Variants in TMTC1 observed in about 807,000 individuals in gnomAD.
TMTC1 encodes protein O-mannosyl-transferase TMTC1.
A neutral mutation model predicts 104.8 loss-of-function variants in TMTC1; 73 were observed. The ratio of observed to expected loss-of-function variants is 0.70; its 90% CI spans 0.58 to 0.85. TMTC1 has a LOEUF of 0.85. Among genes scored for constraint, TMTC1 ranks in the 40% least tolerant of loss-of-function variants. The probability of loss-of-function intolerance (pLI) is 0.00; values close to 1 mark genes in which losing one functional copy is unlikely to be tolerated. For missense variants in TMTC1, 1,035 were observed against 1,096.1 expected, an observed-to-expected ratio of 0.94 and a Z score of 0.79; for synonymous variants, 434 against 428.7, an observed-to-expected ratio of 1.01 and a Z score of -0.15.
At chr12:29,528,421 T>G (rs540209228) in intron 11 of TMTC1, among the ~76,000 whole-genome samples, 176 of 152,296 alleles carry the variant, frequency 1.2e-3, no homozygotes, top group African/African-American at 4.0e-3. Context: ...ATGGGCAGCA[T>G]GCAGCCATGG....
In TMTC1 at chr12:29,629,315, G is replaced by A. The variant is rs542514697; in HGVS notation, c.1128+3832C>T. 3.3e-3 allele frequency among the ~76,000 whole-genome samples: 492 copies of A among 151,066 alleles called. 4 individuals carry two copies. Among genetic ancestry groups the A allele is most frequent in the African/African-American group, 0.011 (442 of 41,160 alleles). Reference sequence around the variant, plus strand: ...AGCCTGGGCAACAGAGAGAGACTCCGTCTCAAAAAAAGAAAAAAAAAAAGC... The same window carrying A: ...AGCCTGGGCAACAGAGAGAGACTCCATCTCAAAAAAAGAAAAAAAAAAAGC... On this transcript the variant is annotated intron_variant, in intron 6 of 17. Coordinates refer to ENST00000539277, the MANE Select transcript of TMTC1 (RefSeq NM_001193451.2).
intron 5 of TMTC1, among the ~76,000 whole-genome samples, chr12:29,647,539 G>C (rs1234040037): frequency 6.6e-6 from 1 of 152,206 alleles, no homozygotes; most frequent in East Asian, 1.9e-4. Flanking sequence ...CTGTAACAAT[G>C]AAGATCTAAG....
Position 29,518,542 on chromosome 12 carries a change from C to T in TMTC1, c.1954G>A (p.Ala652Thr). Reference protein sequence around the residue: ...AIKLSPSHHVAMVNLGRLYRS... With the variant: ...AIKLSPSHHVTMVNLGRLYRS... The stretch of plus-strand genomic sequence containing the variant: ...TAGAGTCTTCCCAAGTTCACCATGG[C>T]CACGTGATGACTGGGGCTAAGTTTG... Residue 652 changes from alanine (A) to threonine (T), a missense_variant, in exon 13 of 18, where the codon GCC (alanine) becomes ACC (threonine). Physicochemically the swap from Ala to Thr is moderately conservative, Grantham distance 58. Transcript: ENST00000539277. 6.2e-7 allele frequency: 1 copy of T among 1,614,104 alleles called. No homozygotes were observed. Among genetic ancestry groups the T allele is most frequent in the Non-Finnish European group, 8.5e-7 (1 of 1,179,966 alleles).
At chr12:29,622,290 A>T (rs1326421955) in intron 6 of TMTC1, among the ~76,000 whole-genome samples, 2 of 152,228 alleles carry the variant, frequency 1.3e-5, no homozygotes, top group Non-Finnish European at 2.9e-5. Flanking sequence ...ATAAAGAACC[A>T]ATACCAAATA....
At chr12:29,509,303 T>A (rs192095835) in intron 17 of TMTC1, among the ~76,000 whole-genome samples, 1 of 152,384 alleles carries the variant, frequency 6.6e-6, no homozygotes, top group African/African-American at 2.4e-5. Flanking sequence ...CTTCATCTTA[T>A]ATGTAAAACT....
chr12:29,506,759 T>TCACATTA lies in TMTC1; in HGVS notation c.*86_*87insTAATGTG, dbSNP rs1943702175. Reference sequence around the variant, plus strand: ...GAATGAGAGAAAATCTCATTAGTTGTGCCCCTGCTGATGTGAAAGCAAGGC... The same window carrying TCACATTA: ...GAATGAGAGAAAATCTCATTAGTTGTCACATTAGCCCCTGCTGATGTGAAAGCAAGGC... On this transcript the variant is annotated 3_prime_UTR_variant, in exon 18 of 18. Transcript: ENST00000539277. 6.6e-7 allele frequency: 1 copy of TCACATTA among 1,511,758 alleles called. No homozygotes were observed. The allele number at this position is 1,511,758 out of a possible 1,614,324, so 93.6% of individuals were successfully genotyped here. A position where few individuals can be genotyped will look rare whatever the true frequency, so the allele number is the denominator to read the frequency against.
At chr12:29,747,545 A>G (rs1942985078) in intron 5 of TMTC1, among the ~76,000 whole-genome samples, 1 of 152,152 alleles carries the variant, frequency 6.6e-6, no homozygotes, top group African/African-American at 2.4e-5. Flanking sequence ...ATTCTTGTCA[A>G]CCTCACACCA....
chr12:29,649,135 C>A (rs1939404642), intron 5 of TMTC1, among the ~76,000 whole-genome samples: 1 of 152,150 alleles, frequency 6.6e-6, no homozygotes, highest in Admixed American at 6.5e-5. Context: ...CTCAAAATTC[C>A]CAACTACTAT....
chr12:29,606,562 A>G (rs1189518333), intron 6 of TMTC1, among the ~76,000 whole-genome samples: 1 of 152,198 alleles, frequency 6.6e-6, no homozygotes, highest in African/African-American at 2.4e-5. Context: ...TCGAAAGCTA[A>G]AATACTTTTT....
intron 6 of TMTC1, among the ~76,000 whole-genome samples, chr12:29,631,334 C>A (rs887036647): frequency 1.3e-5 from 2 of 152,198 alleles, no homozygotes; most frequent in Non-Finnish European, 2.9e-5. Flanking sequence ...GTCAAATTCA[C>A]AAAGATTTTC....
chr12:29,680,893 T>A lies in TMTC1; in HGVS notation c.939-47557A>T, dbSNP rs377379997. On this transcript the variant is annotated intron_variant, in intron 5 of 17. Coordinates refer to ENST00000539277, the MANE Select transcript of TMTC1 (RefSeq NM_001193451.2). ...TGGGTGGATCACTTGAGGCCAGGAG[T>A]TCGAGACCAGCCTGGCCAACATGGT... Among the ~76,000 whole-genome samples, 43 of 151,674 alleles carry A rather than the reference T, an allele frequency of 2.8e-4. No homozygotes were observed. In the East Asian group the frequency reaches 3.1e-3, roughly 11 times the overall value.
intron 10 of TMTC1, among the ~76,000 whole-genome samples, chr12:29,541,986 C>G (rs1358914832): frequency 1.3e-5 from 2 of 152,098 alleles, no homozygotes; most frequent in Non-Finnish European, 2.9e-5. Flanking sequence ...TAATAATTAT[C>G]ATACCTAAAT....
At chr12:29,707,274 T>C (rs893756803) in intron 5 of TMTC1, among the ~76,000 whole-genome samples, 4 of 152,148 alleles carry the variant, frequency 2.6e-5, no homozygotes, top group African/African-American at 7.2e-5. Context: ...CCCTAAGTCA[T>C]AAATGTGATC....
Position 29,506,633 on chromosome 12 carries a change from C to A in TMTC1, c.*213G>T. The A allele has an allele frequency of 1.8e-6, 1 of 564,348 alleles. No individual in the cohort carries two copies. Among genetic ancestry groups the A allele is most frequent in the Non-Finnish European group, 3.1e-6 (1 of 318,016 alleles). The allele number at this position is 564,348 out of a possible 1,614,324, so 35.0% of individuals were successfully genotyped here. ...ATGTCATTCTCCTTCCCTCTCAGAC[C>A]TTCTTGCCCTTGTTTGCTGTTTTCG... On this transcript the variant is annotated 3_prime_UTR_variant, in exon 18 of 18. Transcript: ENST00000539277.
At chr12:29,644,311 G>C (rs1278429548) in intron 5 of TMTC1, among the ~76,000 whole-genome samples, 1 of 151,422 alleles carries the variant, frequency 6.6e-6, no homozygotes, top group African/African-American at 2.4e-5. Flanking sequence ...GAGCTAAGCT[G>C]TGAGGATACA....
chr12:29,694,934 CAACAAAACAAAACAA>C (rs140290699), intron 5 of TMTC1, among the ~76,000 whole-genome samples: 1 of 151,582 alleles, frequency 6.6e-6, no homozygotes, highest in Non-Finnish European at 1.5e-5. Context: ...AACTCCATCT[CAACAAAACAAAACAA>C]AACAAAACAA....
chr12:29,612,319 C>G (rs969680936), intron 6 of TMTC1, among the ~76,000 whole-genome samples: 2 of 152,182 alleles, frequency 1.3e-5, no homozygotes, highest in Admixed American at 1.3e-4. Flanking sequence ...AGGGATGCAA[C>G]AGGATCTATG....
chr12:29,516,354 C>A lies in TMTC1; in HGVS notation c.2302G>T (p.Asp768Tyr), dbSNP rs545036636. The part of the protein sequence containing the change: ...SAIYSKQENH[D>Y]KALDAIDKAL... ...TAAACAATGTCCTTCTTTACCTTGT[C>A]GTGGTTCTCCTGCTTGCTATAGATG... The change falls in exon 15 of 18, where the codon GAC (aspartate) becomes TAC (tyrosine). Residue 768 changes from aspartate to tyrosine, a missense_variant. By Grantham distance (160) the Asp-to-Tyr change is radical. Coordinates refer to ENST00000539277, the MANE Select transcript of TMTC1 (RefSeq NM_001193451.2). 1 of 1,612,956 alleles carries A rather than the reference C, an allele frequency of 6.2e-7. No individual in the cohort carries two copies. The highest frequency in any genetic ancestry group is 1.3e-5 in the African/African-American group (1 of 74,994).
At chr12:29,591,349 C>T (rs2136355736) in intron 7 of TMTC1, among the ~76,000 whole-genome samples, 1 of 152,294 alleles carries the variant, frequency 6.6e-6, no homozygotes, top group South Asian at 2.1e-4. Flanking sequence ...GACATGCTTT[C>T]CTGGCCTTTG....
Sources: gnomAD v4.1 joint callset for allele counts (sites outside exome capture counted in the v4.1 genomes callset) on GRCh38, gnomAD v4.1.1 for gene constraint, MANE v1.5 for transcripts, NCBI Gene and HGNC (gene_info 2026-07-23, HGNC 2026-07-21) for gene names.